CEP350: variants seen among roughly 807,000 people sequenced by gnomAD.
CEP350 encodes centrosome-associated protein 350.
Under a neutral mutation model 331.8 loss-of-function variants are expected in CEP350, and 126 were observed. That is an observed-to-expected ratio of 0.38 (90% confidence interval 0.33 to 0.44). The LOEUF (loss-of-function observed/expected upper bound fraction) is 0.44. Ranked by LOEUF, CEP350 falls within the 20% of genes least tolerant of loss-of-function variation. The pLI, the probability that CEP350 is intolerant of heterozygous loss-of-function variation, is 1.00. For missense variants in CEP350, 3,406 were observed against 3,634.6 expected, an observed-to-expected ratio of 0.94 and a Z score of 1.62; for synonymous variants, 1,200 against 1,259.5, an observed-to-expected ratio of 0.95 and a Z score of 1.00.
At chr1:180,041,607 C>A in intron 18 of CEP350, 55 bp from the exon 19 acceptor site, 1 of 1,450,158 alleles carries the variant, frequency 6.9e-7, no homozygotes, top group Non-Finnish European at 9.3e-7. Context: ...AAAATTAATT[C>A]AGGAGGAGGG....
At chr1:180,076,930 A>G (rs1659254845) in intron 28 of CEP350, among the ~76,000 whole-genome samples, 1 of 152,246 alleles carries the variant, frequency 6.6e-6, no homozygotes, top group Non-Finnish European at 1.5e-5. Flanking sequence ...TAGATACCGT[A>G]CTTAATGATA....
At chr1:179,994,769 A>T (rs1051393550) in intron 5 of CEP350, among the ~76,000 whole-genome samples, 1 of 152,054 alleles carries the variant, frequency 6.6e-6, no homozygotes, top group Non-Finnish European at 1.5e-5. Context: ...ATCTTTTTCA[A>T]TAATCAACCA....
At position 180,087,632 on chromosome 1, in the gene CEP350, A is replaced by G; in HGVS notation, c.6340A>G (p.Thr2114Ala). Residue 2114 changes from threonine to alanine, a missense_variant, in exon 32 of 38, where the codon ACA (threonine) becomes GCA (alanine). Coordinates refer to ENST00000367607, the MANE Select transcript of CEP350 (RefSeq NM_014810.5). ...TEAELSQDLE[T>A]SPTAKPQIKT... is the part of the protein sequence containing the mutation. ...AGCCGAGCTTAGCCAAGATTTGGAA[A>G]CATCACCAACAGCCAAGCCTCAGAT... 1.3e-6 allele frequency: 2 copies of G among 1,556,292 alleles called. No homozygotes were observed. Among genetic ancestry groups the G allele is most frequent in the South Asian group, 1.2e-5 (1 of 84,066 alleles).
At chr1:180,059,203 G>A (rs990252309) in intron 25 of CEP350, among the ~76,000 whole-genome samples, 8 of 152,246 alleles carry the variant, frequency 5.3e-5, no homozygotes, top group African/African-American at 1.7e-4. Flanking sequence ...GTTTCAAAAC[G>A]TACTCTGTGA....
intron 37 of CEP350, among the ~76,000 whole-genome samples, chr1:180,106,133 T>C (rs1437193987): frequency 6.6e-6 from 1 of 152,244 alleles, no homozygotes; most frequent in African/African-American, 2.4e-5. Context: ...ACCGTTTGTA[T>C]AACCTTTATG....
intron 21 of CEP350, among the ~76,000 whole-genome samples, chr1:180,048,158 G>A (rs1161276015): frequency 6.6e-6 from 1 of 152,194 alleles, no homozygotes; most frequent in East Asian, 1.9e-4. Context: ...AACAGTTTTA[G>A]TAGAGCAGTT....
chr1:180,086,524 CAGTAT>C (rs947709443), intron 31 of CEP350, among the ~76,000 whole-genome samples: 2 of 129,178 alleles, frequency 1.5e-5, no homozygotes, highest in African/African-American at 5.8e-5. Context: ...TTTAAAATTA[CAGTAT>C]ATGAGATATG....
intron 1 of CEP350, chr1:179,969,570 C>A: frequency 3.0e-6 from 1 of 330,160 alleles, no homozygotes; most frequent in Non-Finnish European, 6.0e-6. Flanking sequence ...AAATAAGCAG[C>A]AGTTTCTAAA....
At chr1:180,035,945 C>G (rs889243794) in intron 16 of CEP350, among the ~76,000 whole-genome samples, 1 of 152,186 alleles carries the variant, frequency 6.6e-6, no homozygotes, top group Non-Finnish European at 1.5e-5. Flanking sequence ...GTAAATTGAT[C>G]ACCTTCTGGA....
intron 24 of CEP350, among the ~76,000 whole-genome samples, chr1:180,054,139 C>T (rs1008582335): frequency 1.3e-5 from 2 of 152,196 alleles, no homozygotes; most frequent in Non-Finnish European, 1.5e-5. Context: ...CCCCTTTTAT[C>T]ACTTAACTGA....
chr1:179,998,734 G>A (rs1360888961), intron 6 of CEP350, among the ~76,000 whole-genome samples: 2 of 151,822 alleles, frequency 1.3e-5, no homozygotes, highest in Non-Finnish European at 2.9e-5. Flanking sequence ...ATAGTCCTAA[G>A]GCATCTTTAG....
rs1268549295 is a variant in CEP350 at position 180,031,360 on chromosome 1, T to A, written c.3591T>A (p.Leu1197=). The part of the protein sequence containing the change: ...SFTGNVQNSL[L]DEEKAERGSH... The stretch of plus-strand genomic sequence containing the variant: ...CTGGAAATGTTCAGAACTCACTTCT[T>A]GATGAGGAAAAAGCAGAACGTGGCT... The change falls in exon 15 of 38, where the codon CTT becomes CTA. Residue 1197 remains leucine, a synonymous_variant. Transcript: ENST00000367607. The A allele has an allele frequency of 1.2e-6, 2 of 1,608,012 alleles. No homozygotes were observed. Among genetic ancestry groups the A allele is most frequent in the Non-Finnish European group, 1.7e-6 (2 of 1,176,058 alleles).
rs376176797 is a variant in CEP350, at chr1:180,020,118, A to G, written c.2344A>G (p.Arg782Gly). 6.2e-7 allele frequency: 1 copy of G among 1,614,046 alleles called. No individual in the cohort carries two copies. The highest frequency in any genetic ancestry group is 8.5e-7 in the Non-Finnish European group (1 of 1,179,898). Reference protein sequence around the residue: ...HKDFESILPTRKNHNMASRPL... With the variant: ...HKDFESILPTGKNHNMASRPL... The stretch of plus-strand genomic sequence containing the variant: ...GGATTTTGAATCTATTTTACCAACC[A>G]GGAAGAATCATAATATGGCTTCAAG... Residue 782 changes from arginine to glycine, a missense_variant, in exon 12 of 38, where the codon AGG (arginine) becomes GGG (glycine). By Grantham distance (125) the Arg-to-Gly change is moderately radical (BLOSUM62 -2). Coordinates refer to ENST00000367607, the MANE Select transcript of CEP350 (RefSeq NM_014810.5).
chr1:179,997,854 G>C (rs1324854762), intron 6 of CEP350, among the ~76,000 whole-genome samples: 3 of 152,096 alleles, frequency 2.0e-5, no homozygotes, highest in Non-Finnish European at 4.4e-5. Flanking sequence ...AAATATTTGA[G>C]TACAGAATAT....
At position 180,020,219 on chromosome 1, in the gene CEP350, C is replaced by T. The variant is rs1217158516; in HGVS notation, c.2445C>T (p.Ala815=). The part of the protein sequence containing the change: ...AYTDALLKPS[A]SQYKSKLDRI... ...CAGATGCCTTGTTAAAACCTAGTGCCAGCCAATATAAGAGTAAACTGGATC... is the reference window on the plus strand; with the variant it reads ...CAGATGCCTTGTTAAAACCTAGTGCTAGCCAATATAAGAGTAAACTGGATC... Residue 815 remains alanine (A), a synonymous_variant, in exon 12 of 38, where the codon GCC becomes GCT. Coordinates refer to ENST00000367607, the MANE Select transcript of CEP350 (RefSeq NM_014810.5). The T allele has an allele frequency of 1.9e-6, 3 of 1,614,014 alleles. No homozygotes were observed. Among genetic ancestry groups the T allele is most frequent in the Non-Finnish European group, 2.5e-6 (3 of 1,179,904 alleles).
intron 24 of CEP350, among the ~76,000 whole-genome samples, chr1:180,054,187 A>G (rs544378452): frequency 6.6e-6 from 1 of 152,264 alleles, no homozygotes; most frequent in East Asian, 1.9e-4. Context: ...AATATTGTAA[A>G]CTTCCCCAAG....
intron 1 of CEP350, among the ~76,000 whole-genome samples, chr1:179,959,904 T>TCTTAAATCCAGTATTC (rs148086946): frequency 0.12 from 17,983 of 152,070 alleles, 1,145 homozygotes; most frequent in South Asian, 0.16. Flanking sequence ...GATCAGTGTT[T>TCTTAAATCCAGTATTC]CTTAAATCCA....
intron 29 of CEP350, among the ~76,000 whole-genome samples, chr1:180,080,139 C>T (rs1659474291): frequency 6.6e-6 from 1 of 152,064 alleles, no homozygotes; most frequent in African/African-American, 2.4e-5. Context: ...TTTTCTTCTT[C>T]CCTTCCTCTC....
At chr1:179,964,666 A>G (rs975761083) in intron 1 of CEP350, among the ~76,000 whole-genome samples, 13 of 150,080 alleles carry the variant, frequency 8.7e-5, no homozygotes, top group South Asian at 2.1e-4. Flanking sequence ...GTTTGTGCAC[A>G]TAAAGATGTT....
Sources: gnomAD v4.1 joint callset for allele counts (sites outside exome capture counted in the v4.1 genomes callset) on GRCh38, gnomAD v4.1.1 for gene constraint, MANE v1.5 for transcripts, NCBI Gene and HGNC (gene_info 2026-07-23, HGNC 2026-07-21) for gene names.